The following CLNS1A variants were observed in gnomAD, a reference collection of about 807,000 sequenced individuals.
CLNS1A encodes the protein chloride nucleotide-sensitive channel 1A.
A neutral mutation model predicts 29.4 loss-of-function variants in CLNS1A; 16 were observed. The ratio of observed to expected loss-of-function variants is 0.54; its 90% confidence interval spans 0.37 to 0.83. The LOEUF is 0.83. Ranked by LOEUF, CLNS1A falls within the 40% of genes least tolerant of loss-of-function variation. CLNS1A has a pLI of 0.00. For missense variants in CLNS1A, 235 were observed against 287.4 expected, an observed-to-expected ratio of 0.82 and a Z score of 1.32; for synonymous variants, 96 against 104.8, an observed-to-expected ratio of 0.92 and a Z score of 0.51.
At position 77,622,650 on chromosome 11, in the gene CLNS1A, T is replaced by C. The variant is rs1454079752; in HGVS notation, c.496A>G (p.Thr166Ala). Reference protein sequence around the residue: ...AHEQGQGDIPTFYTYEEGLSH... With the variant: ...AHEQGQGDIPAFYTYEEGLSH... Reference sequence around the variant, plus strand: ...AATCCTTCTTCATAGGTGTAAAATGTAGGGATGTCCCCCTGTCCTTGTTCT... The same window carrying C: ...AATCCTTCTTCATAGGTGTAAAATGCAGGGATGTCCCCCTGTCCTTGTTCT... Residue 166 changes from threonine to alanine, a missense_variant, in exon 5 of 7, where the codon ACA (threonine) becomes GCA (alanine). Physicochemically the swap from Thr to Ala is moderately conservative, Grantham distance 58. Transcript: ENST00000525428. The C allele has an allele frequency of 6.2e-7, 1 of 1,607,890 alleles. No homozygotes were observed. Among genetic ancestry groups the C allele is most frequent in the African/African-American group, 1.3e-5 (1 of 74,578 alleles).
chr11:77,619,748 A>C, intron 5 of CLNS1A, 53 bp from the exon 6 acceptor site: 2 of 1,218,986 alleles, frequency 1.6e-6, no homozygotes, highest in Non-Finnish European at 2.4e-6. Flanking sequence ...TCAGACAGGT[A>C]GATTCAACTT....
At chr11:77,634,047 G>A (rs1285165120) in intron 1 of CLNS1A, among the ~76,000 whole-genome samples, 2 of 151,560 alleles carry the variant, frequency 1.3e-5, no homozygotes, top group Non-Finnish European at 2.9e-5. Flanking sequence ...GTTGCGGTGA[G>A]CCAAGATTGC....
At chr11:77,632,163 C>T (rs1006092768) in intron 1 of CLNS1A, among the ~76,000 whole-genome samples, 2 of 152,348 alleles carry the variant, frequency 1.3e-5, no homozygotes, top group Non-Finnish European at 1.5e-5. Flanking sequence ...CTGTATGCAT[C>T]TTTCCTGCCC....
chr11:77,633,662 G>T (rs535603223), intron 1 of CLNS1A, among the ~76,000 whole-genome samples: 1 of 151,684 alleles, frequency 6.6e-6, no homozygotes, highest in African/African-American at 2.4e-5. Flanking sequence ...TTAATTATTT[G>T]GTTTAAGATT....
At position 77,627,417 on chromosome 11, in the gene CLNS1A, G is replaced by C. The variant is rs371643224; in HGVS notation, c.263-1599C>G. Among the ~76,000 whole-genome samples the C allele has an allele frequency of 5.6e-3, 826 of 148,822 alleles. 14 individuals are homozygous for C. Among genetic ancestry groups the C allele is most frequent in the African/African-American group, 0.019 (779 of 40,426 alleles). On this transcript the variant is annotated intron_variant, in intron 2 of 6. Coordinates refer to ENST00000525428, the MANE Select transcript of CLNS1A (RefSeq NM_001293.3). ...TCGCATCACTGCACTCCAGCCTGGC[G>C]ACAGAGCAAGACTCCATCTCAAAAA...
At chr11:77,626,761 G>A (rs968856469) in intron 2 of CLNS1A, among the ~76,000 whole-genome samples, 5 of 148,502 alleles carry the variant, frequency 3.4e-5, no homozygotes, top group Admixed American at 6.8e-5. Flanking sequence ...GTGCCATCTC[G>A]GCTCACTGCA....
rs577715904 is a variant in CLNS1A, at chr11:77,625,453, A to C, written c.364+264T>G. ...CAGGTGAGATTAAGTCAACAGCACC[A>C]ATCAGTAAAACTAACCAGAGTCCAC... On this transcript the variant is annotated intron_variant, in intron 3 of 6. Transcript: ENST00000525428. 1.0e-5 allele frequency: 5 copies of C among 483,538 alleles called. No individual in the cohort carries two copies. The East Asian group carries it at 1.7e-4, about 17-fold the overall frequency. 30.0% of individuals were successfully genotyped at this position (483,538 alleles called of 1,614,324 possible). A position where few individuals can be genotyped will look rare whatever the true frequency, so the allele number is the denominator to read the frequency against.
intron 2 of CLNS1A, among the ~76,000 whole-genome samples, chr11:77,626,036 T>G (rs1435961197): frequency 6.6e-6 from 1 of 152,148 alleles, no homozygotes; most frequent in Non-Finnish European, 1.5e-5. Context: ...CCTCCCAAAG[T>G]GCTCCCTCCG....
At chr11:77,636,796 A>T (rs967044252) in intron 1 of CLNS1A, among the ~76,000 whole-genome samples, 14 of 152,186 alleles carry the variant, frequency 9.2e-5, no homozygotes, top group Admixed American at 6.6e-5. Context: ...AGCAACACAT[A>T]TCTGAAGGGC....
intron 2 of CLNS1A, 126 bp downstream of exon 2, chr11:77,629,637 G>T: frequency 9.1e-6 from 7 of 768,780 alleles, no homozygotes; most frequent in Non-Finnish European, 1.4e-5. Context: ...CTTGTGATCC[G>T]CCCGCCTCGG....
At chr11:77,620,681 C>T (rs1296492616) in intron 5 of CLNS1A, among the ~76,000 whole-genome samples, 4 of 151,988 alleles carry the variant, frequency 2.6e-5, no homozygotes, top group South Asian at 2.1e-4. Context: ...TGGTGGCAGG[C>T]GCTTATAATC....
intron 5 of CLNS1A, among the ~76,000 whole-genome samples, chr11:77,620,985 T>C (rs1958952251): frequency 1.3e-5 from 2 of 150,946 alleles, no homozygotes; most frequent in African/African-American, 2.4e-5. Flanking sequence ...CCGTCTTAAA[T>C]AAATAAATAA....
intron 4 of CLNS1A, among the ~76,000 whole-genome samples, chr11:77,624,645 C>A (rs1958997022): frequency 6.6e-6 from 1 of 152,002 alleles, no homozygotes; most frequent in Non-Finnish European, 1.5e-5. Context: ...CATGGAGAAA[C>A]CCCATCTCTA....
chr11:77,622,127 C>T, intron 5 of CLNS1A: 1 of 456,116 alleles, frequency 2.2e-6, no homozygotes, highest in Non-Finnish European at 4.4e-6. Flanking sequence ...CAATAAAATT[C>T]TATTGTTTGA....
chr11:77,628,639 T>C (rs1959044550), intron 2 of CLNS1A, among the ~76,000 whole-genome samples: 1 of 152,226 alleles, frequency 6.6e-6, no homozygotes, highest in African/African-American at 2.4e-5. Flanking sequence ...CACACCTGAA[T>C]ATAAATGATC....
chr11:77,629,182 G>C (rs1959049793), intron 2 of CLNS1A, among the ~76,000 whole-genome samples: 1 of 152,112 alleles, frequency 6.6e-6, no homozygotes, highest in Non-Finnish European at 1.5e-5. Flanking sequence ...AGAATAAACA[G>C]TGAAACTTTA....
At chr11:77,629,994 A>C in intron 1 of CLNS1A, 95 bp from the exon 2 acceptor site, 1 of 974,900 alleles carries the variant, frequency 1.0e-6, no homozygotes, top group Non-Finnish European at 1.5e-6. Context: ...ACCTTTATGC[A>C]TATAAATAAA....
At chr11:77,625,278 C>T (rs554921700) in intron 3 of CLNS1A, 3 of 533,666 alleles carry the variant, frequency 5.6e-6, no homozygotes, top group South Asian at 2.6e-5. Context: ...CTTCATGGCT[C>T]GTGGGATTTT....
At chr11:77,634,401 C>T (rs968486911) in intron 1 of CLNS1A, among the ~76,000 whole-genome samples, 1 of 152,072 alleles carries the variant, frequency 6.6e-6, no homozygotes, top group African/African-American at 2.4e-5. Context: ...TGTATTTATA[C>T]CCTTTTTTTG....
Sources: gnomAD v4.1 joint callset for allele counts (sites outside exome capture counted in the v4.1 genomes callset) on GRCh38, gnomAD v4.1.1 for gene constraint, MANE v1.5 for transcripts, NCBI Gene and HGNC (gene_info 2026-07-23, HGNC 2026-07-21) for gene names.